Variants in GALNT2 observed in about 807,000 individuals in gnomAD.
GALNT2 encodes polypeptide N-acetylgalactosaminyltransferase 2.
GALNT2 carries 31 observed loss-of-function variants against 81.4 expected under a neutral mutation model. The ratio of observed to expected loss-of-function variants is 0.38; its 90% confidence interval spans 0.29 to 0.51. The LOEUF (loss-of-function observed/expected upper bound fraction) is 0.51. Ranked by LOEUF, GALNT2 falls within the 20% of genes least tolerant of loss-of-function variation. GALNT2 has a pLI of 0.87. For synonymous variants in GALNT2, 303 were observed against 287.4 expected (o/e 1.05, Z -0.55); for missense variants, 629 against 765.7 (o/e 0.82, Z 2.11).
At chr1:230,130,557 C>T (rs938319947) in intron 1 of GALNT2, among the ~76,000 whole-genome samples, 1 of 152,164 alleles carries the variant, frequency 6.6e-6, no homozygotes, top group Non-Finnish European at 1.5e-5. Context: ...AGTCAGCCAG[C>T]GTGAGTCACG....
chr1:230,211,207 C>T (rs1664223750), intron 3 of GALNT2, among the ~76,000 whole-genome samples: 2 of 152,090 alleles, frequency 1.3e-5, no homozygotes. Context: ...GTAGAGCTGG[C>T]CCGAGCACCC....
intron 1 of GALNT2, among the ~76,000 whole-genome samples, chr1:230,103,953 TC>T (rs1330309416): frequency 6.6e-6 from 1 of 152,204 alleles, no homozygotes; most frequent in Non-Finnish European, 1.5e-5. Flanking sequence ...GTTTCCTTCT[TC>T]AGCAGTGTTC....
rs536820571 is a variant in GALNT2, at chr1:230,219,618, C to CT, written c.374+16329dup. Among the ~76,000 whole-genome samples, 91 of 152,212 alleles carry CT rather than the reference C, an allele frequency of 6.0e-4. 1 individual carries two copies. In the East Asian group the frequency reaches 0.013, roughly 22 times the overall value. ...TGGTGAGGACACCTGGATCCCCCTC[C>CT]TGGGCCCTGCATAGATGGCCTGCAG... is the stretch of plus-strand genomic sequence containing the variant. On this transcript the variant is annotated intron_variant, in intron 3 of 15. Coordinates refer to ENST00000366672, the MANE Select transcript of GALNT2 (RefSeq NM_004481.5).
chr1:230,117,454 C>T (rs899244180), intron 1 of GALNT2, among the ~76,000 whole-genome samples: 1 of 152,182 alleles, frequency 6.6e-6, no homozygotes, highest in African/African-American at 2.4e-5. Flanking sequence ...TCATTATCAG[C>T]TTTTGATTTA....
intron 1 of GALNT2, among the ~76,000 whole-genome samples, chr1:230,096,827 A>C (rs1266837582): frequency 2.0e-5 from 3 of 152,236 alleles, no homozygotes; most frequent in African/African-American, 7.2e-5. Context: ...TAATTCACTC[A>C]GAGGTCCTCC....
rs934389585 is a variant in GALNT2, at chr1:230,184,111, A to G, written c.220+5800A>G. Among the ~76,000 whole-genome samples the G allele has an allele frequency of 2.0e-5, 3 of 152,026 alleles. No individual in the cohort carries two copies. In the East Asian group the frequency reaches 5.8e-4, roughly 29 times the overall value. ...AAGAGCTGCTTTTAACATTTTTTGC[A>G]AGGCAGGTCTACTGGCAACAAATTC... On this transcript the variant is annotated intron_variant, in intron 2 of 15. Coordinates refer to ENST00000366672, the MANE Select transcript of GALNT2 (RefSeq NM_004481.5).
rs1665029729 is a variant in GALNT2 at position 230,236,333 on chromosome 1, A to G, written c.474-20A>G. 1 of 1,611,390 alleles carries G rather than the reference A, an allele frequency of 6.2e-7. No homozygotes were observed. The highest frequency in any genetic ancestry group is 8.5e-7 in the Non-Finnish European group (1 of 1,178,274). The stretch of plus-strand genomic sequence containing the variant: ...TACCCCTAAAAGACCTATAAACTTT[A>G]TCTTCTTGTCTTTTCTTAGCGTGCT... On this transcript the variant is annotated intron_variant, in intron 4 of 15. Coordinates refer to ENST00000366672, the MANE Select transcript of GALNT2 (RefSeq NM_004481.5).
chr1:230,077,577 G>T (rs1313475804), intron 1 of GALNT2, among the ~76,000 whole-genome samples: 2 of 152,066 alleles, frequency 1.3e-5, no homozygotes, highest in East Asian at 3.9e-4. Context: ...TCACTCTCGG[G>T]CATAGATAGA....
chr1:230,130,277 C>T (rs1055538386), intron 1 of GALNT2, among the ~76,000 whole-genome samples: 2 of 152,222 alleles, frequency 1.3e-5, no homozygotes, highest in Non-Finnish European at 2.9e-5. Context: ...TTCACCTACC[C>T]ACAGCGCTGC....
At chr1:230,168,507 A>G (rs1226166400) in intron 1 of GALNT2, among the ~76,000 whole-genome samples, 1 of 152,206 alleles carries the variant, frequency 6.6e-6, no homozygotes, top group Non-Finnish European at 1.5e-5. Flanking sequence ...AGCATTTATC[A>G]AGAGATTTGT....
At chr1:230,167,645 G>A (rs995766563) in intron 1 of GALNT2, among the ~76,000 whole-genome samples, 1 of 152,236 alleles carries the variant, frequency 6.6e-6, no homozygotes, top group African/African-American at 2.4e-5. Context: ...GCAGCCTTGC[G>A]GGGATATTGA....
At chr1:230,162,932 C>T (rs1662480297) in intron 1 of GALNT2, among the ~76,000 whole-genome samples, 1 of 152,300 alleles carries the variant, frequency 6.6e-6, no homozygotes, top group South Asian at 2.1e-4. Flanking sequence ...GACAATTTCC[C>T]CTGTAACTTT....
intron 3 of GALNT2, among the ~76,000 whole-genome samples, chr1:230,211,361 A>ATT: frequency 6.6e-6 from 1 of 152,248 alleles, no homozygotes; most frequent in East Asian, 1.9e-4. Flanking sequence ...CTTTGTTGGC[A>ATT]TTTGTGGCCG....
At chr1:230,137,260 C>G (rs1466843310) in intron 1 of GALNT2, among the ~76,000 whole-genome samples, 1 of 152,236 alleles carries the variant, frequency 6.6e-6, no homozygotes, top group Non-Finnish European at 1.5e-5. Flanking sequence ...GGGGCTCCAG[C>G]ATGGAGCTTC....
chr1:230,226,630 A>G (rs1664720176), intron 3 of GALNT2, among the ~76,000 whole-genome samples: 1 of 152,168 alleles, frequency 6.6e-6, no homozygotes, highest in Non-Finnish European at 1.5e-5. Flanking sequence ...TTCCGAACAC[A>G]TGCGGAGGCA....
intron 1 of GALNT2, among the ~76,000 whole-genome samples, chr1:230,104,601 C>T (rs1558085324): frequency 6.6e-6 from 1 of 152,212 alleles, no homozygotes; most frequent in African/African-American, 2.4e-5. Context: ...CCCTGGCTCT[C>T]CTTTCTTAAT....
intron 3 of GALNT2, among the ~76,000 whole-genome samples, chr1:230,222,432 C>T (rs992901470): frequency 5.9e-5 from 9 of 152,040 alleles, no homozygotes; most frequent in East Asian, 1.9e-4. Flanking sequence ...TCTCATAATA[C>T]GAAATATAGT....
chr1:230,158,175 C>T (rs564280933), intron 1 of GALNT2, among the ~76,000 whole-genome samples: 12 of 151,778 alleles, frequency 7.9e-5, no homozygotes, highest in South Asian at 2.1e-4. Flanking sequence ...AGAGAGCCCT[C>T]GGGAGGCCCG....
At chr1:230,117,799 C>T (rs1660890062) in intron 1 of GALNT2, among the ~76,000 whole-genome samples, 1 of 152,184 alleles carries the variant, frequency 6.6e-6, no homozygotes. Flanking sequence ...TGAGCACACG[C>T]TGTTAGAAAA....
Sources: allele counts gnomAD v4.1 joint callset (sites outside exome capture counted in the v4.1 genomes callset), GRCh38; gene constraint gnomAD v4.1.1; transcripts MANE v1.5; gene names NCBI Gene and HGNC (gene_info 2026-07-23, HGNC 2026-07-21).